The following MED12L variants were observed in gnomAD, a reference collection of about 807,000 sequenced individuals.
MED12L encodes the protein mediator of RNA polymerase II transcription subunit 12-like protein.
MED12L carries 60 observed loss-of-function variants against 281.3 expected under a neutral mutation model. The ratio of observed to expected loss-of-function variants is 0.21; its 90% CI spans 0.17 to 0.26. The LOEUF (loss-of-function observed/expected upper bound fraction) is 0.26, where lower values mean the gene tolerates loss of function less well. Ranked by LOEUF, MED12L falls within the 10% of genes least tolerant of loss-of-function variation. MED12L has a pLI of 1.00. For missense variants in MED12L, 2,146 were observed against 2,680.9 expected, an observed-to-expected ratio of 0.80 and a Z score of 4.41; for synonymous variants, 974 against 987.2, an observed-to-expected ratio of 0.99 and a Z score of 0.25.
chr3:151,418,843 A>AT (rs947975398), intron 43 of MED12L, among the ~76,000 whole-genome samples: 76 of 151,818 alleles, frequency 5.0e-4, no homozygotes, highest in Admixed American at 3.1e-3. Context: ...TGGAAAAATT[A>AT]TTTTTTTTTA....
chr3:151,290,286 T>TA, intron 16 of MED12L, among the ~76,000 whole-genome samples: 1 of 152,358 alleles, frequency 6.6e-6, no homozygotes. Context: ...TTCTGTATCT[T>TA]GAGTTTCCAA....
chr3:151,410,922 G>A (rs1716861532), intron 40 of MED12L, among the ~76,000 whole-genome samples: 1 of 152,014 alleles, frequency 6.6e-6, no homozygotes, highest in South Asian at 2.1e-4. Flanking sequence ...GTTGAACTTT[G>A]GTGTCATCTG....
intron 16 of MED12L, among the ~76,000 whole-genome samples, chr3:151,210,554 A>G (rs189278405): frequency 1.6e-3 from 246 of 152,304 alleles, no homozygotes; most frequent in Non-Finnish European, 2.4e-3. Context: ...ACCTTAAAAC[A>G]TTTTGTATAG....
At chr3:151,165,080 T>C (rs1720526566) in intron 9 of MED12L, among the ~76,000 whole-genome samples, 1 of 152,040 alleles carries the variant, frequency 6.6e-6, no homozygotes, top group Non-Finnish European at 1.5e-5. Flanking sequence ...GTTTTCTTAA[T>C]AGAACGTTGC....
intron 39 of MED12L, among the ~76,000 whole-genome samples, chr3:151,406,790 TTTC>T (rs1269041746): frequency 2.3e-4 from 32 of 137,796 alleles, no homozygotes; most frequent in South Asian, 1.4e-3. Flanking sequence ...TCAGTTTCCA[TTTC>T]TTCTTCTTCT....
At chr3:151,181,007 T>C (rs915920219) in intron 11 of MED12L, among the ~76,000 whole-genome samples, 3 of 152,190 alleles carry the variant, frequency 2.0e-5, no homozygotes, top group Admixed American at 6.5e-5. Flanking sequence ...CCTAAATGAT[T>C]TTAAATTCTT....
chr3:151,354,634 T>C, intron 17 of MED12L, among the ~76,000 whole-genome samples: 1 of 152,208 alleles, frequency 6.6e-6, no homozygotes, highest in South Asian at 2.1e-4. Context: ...TAAAGGCACT[T>C]TTTATGATAG....
At chr3:151,224,956 G>A (rs1730192916) in intron 16 of MED12L, among the ~76,000 whole-genome samples, 1 of 152,106 alleles carries the variant, frequency 6.6e-6, no homozygotes, top group East Asian at 1.9e-4. Context: ...TACATTTTAT[G>A]TTACTAAAAT....
chr3:151,174,473 A>G (rs1044972543), intron 11 of MED12L, among the ~76,000 whole-genome samples: 5 of 152,166 alleles, frequency 3.3e-5, no homozygotes, highest in African/African-American at 9.6e-5. Context: ...GGATTGTCTT[A>G]TCTGTCTTGT....
chr3:151,221,074 A>G (rs1050719980), intron 16 of MED12L, among the ~76,000 whole-genome samples: 2 of 152,186 alleles, frequency 1.3e-5, no homozygotes, highest in Non-Finnish European at 2.9e-5. Flanking sequence ...AAATGGAGCA[A>G]AAGTGATTCT....
chr3:151,394,607 T>A (rs776187893), intron 38 of MED12L, 49 bp from the exon 39 acceptor site: 1 of 1,605,060 alleles, frequency 6.2e-7, no homozygotes, highest in African/African-American at 1.3e-5. Context: ...TAAAAAGACC[T>A]GTTGCATTAA....
chr3:151,220,995 G>A (rs530623723), intron 16 of MED12L, among the ~76,000 whole-genome samples: 1 of 152,314 alleles, frequency 6.6e-6, no homozygotes, highest in East Asian at 1.9e-4. Context: ...TGCCCAAAAT[G>A]CTGATAGTGA....
At chr3:151,401,145 T>C (rs895846637) in intron 39 of MED12L, among the ~76,000 whole-genome samples, 10 of 152,240 alleles carry the variant, frequency 6.6e-5, no homozygotes, top group African/African-American at 2.2e-4. Context: ...GGCTTTTTTG[T>C]AGCTAATTTA....
At chr3:151,394,995 A>C (rs945768712) in intron 39 of MED12L, 128 bp downstream of exon 39, 21 of 1,198,340 alleles carry the variant, frequency 1.8e-5, no homozygotes, top group South Asian at 9.1e-5. Context: ...GTGCAGGTCT[A>C]TCTCTCTGTT....
chr3:151,143,677 T>TTC lies in MED12L; in HGVS notation c.557-12482_557-12481dup, dbSNP rs532407155. ...TCTTCCCCATGTCTCCTCTTCTCCC[T>TTC]TCTACAGCATTGTCCCCCAAGACCT... On this transcript the variant is annotated intron_variant, in intron 5 of 44. Transcript: ENST00000687756. Among the ~76,000 whole-genome samples the TTC allele has an allele frequency of 1.6e-3, 242 of 152,292 alleles. 6 individuals carry two copies. The South Asian group carries it at 0.045, about 28-fold the overall frequency.
chr3:151,348,823 A>G (rs1752888692), intron 16 of MED12L, among the ~76,000 whole-genome samples: 1 of 152,248 alleles, frequency 6.6e-6, no homozygotes, highest in Non-Finnish European at 1.5e-5. Flanking sequence ...CAGAAGCAAT[A>G]TGCTACTTTG....
rs1719280428 is a variant in MED12L, at chr3:151,156,348, T to G, written c.726+18T>G. ...TGTTCCAGGTAACCTTTTGAAGACATGCAGAGTTGTGTGCAATGCTTTTAA... is the reference window on the plus strand; with the variant it reads ...TGTTCCAGGTAACCTTTTGAAGACAGGCAGAGTTGTGTGCAATGCTTTTAA... On this transcript the variant is annotated intron_variant, in intron 6 of 44. Transcript: ENST00000687756. 1 of 1,585,504 alleles carries G rather than the reference T, an allele frequency of 6.3e-7. No individual in the cohort carries two copies. Among genetic ancestry groups the G allele is most frequent in the Middle Eastern group, 1.7e-4 (1 of 5,928 alleles).
At chr3:151,250,581 G>A (rs1318522991) in intron 16 of MED12L, among the ~76,000 whole-genome samples, 2 of 152,148 alleles carry the variant, frequency 1.3e-5, no homozygotes, top group Non-Finnish European at 2.9e-5. Context: ...TAAGGTTCAT[G>A]CATTTTGTAG....
chr3:151,203,000 T>A (rs1725855596), intron 16 of MED12L: 1 of 152,188 alleles, frequency 6.6e-6, no homozygotes, highest in Admixed American at 6.5e-5. Context: ...TTTTTTTTTA[T>A]ACAGCTTGGC....
Sources: gnomAD v4.1 joint callset for allele counts (sites outside exome capture counted in the v4.1 genomes callset) on GRCh38, gnomAD v4.1.1 for gene constraint, MANE v1.5 for transcripts, NCBI Gene and HGNC (gene_info 2026-07-23, HGNC 2026-07-21) for gene names.